Variants in TAF4B observed in about 807,000 individuals in gnomAD.
The protein encoded by TAF4B is TATA-box binding protein associated factor 4b.
In TAF4B, 38 loss-of-function variants were observed where a neutral mutation model predicts 86.4. The observed-to-expected ratio is 0.44, with a 90% CI of 0.34 to 0.58. The LOEUF is 0.58. TAF4B is among the 20% of genes least tolerant of loss of function. The pLI, the probability that TAF4B is intolerant of heterozygous loss-of-function variation, is 0.02. For synonymous variants in TAF4B, 388 were observed against 391.2 expected, an observed-to-expected ratio of 0.99 and a Z score of 0.10; for missense variants, 988 against 1,027.6, an observed-to-expected ratio of 0.96 and a Z score of 0.53.
chr18:26,249,229 A>G (rs2055967826), intron 1 of TAF4B, among the ~76,000 whole-genome samples: 1 of 151,934 alleles, frequency 6.6e-6, no homozygotes, highest in African/African-American at 2.4e-5. Context: ...CTGTAATCCC[A>G]CCACTTTGGG....
In TAF4B at chr18:26,327,068, T is replaced by G. The variant is rs781368981; in HGVS notation, c.2187T>G (p.Leu729=). The G allele has an allele frequency of 6.2e-7, 1 of 1,613,710 alleles. No homozygotes were observed. Among genetic ancestry groups the G allele is most frequent in the East Asian group, 2.2e-5 (1 of 44,866 alleles). The part of the protein sequence containing the change: ...CSDTRSQLKF[L]EKLDQLEKQR... ...ATACCAGGTCACAGCTCAAATTTCT[T>G]GAAAAGCTGGATCAATTGGAGAAGC... Residue 729 remains leucine (L), a synonymous_variant, in exon 12 of 15, where the codon CTT becomes CTG. Coordinates refer to ENST00000269142, the MANE Select transcript of TAF4B (RefSeq NM_005640.3).
At chr18:26,227,348 A>G (rs1171921601) in intron 1 of TAF4B, 72 bp downstream of exon 1, 55 of 1,414,298 alleles carry the variant, frequency 3.9e-5, no homozygotes, top group Non-Finnish European at 4.9e-5. Context: ...GCAGCTCCAG[A>G]TTGCTCCTAA....
intron 14 of TAF4B, among the ~76,000 whole-genome samples, chr18:26,364,070 T>C (rs542753532): frequency 2.2e-4 from 33 of 152,346 alleles, no homozygotes; most frequent in African/African-American, 7.2e-4. Context: ...TTTGTTATGA[T>C]AAAGCAAAAC....
rs1217806503 is a variant in TAF4B at position 26,231,834 on chromosome 18, CCA to C, written c.343+4561_343+4562del. 3.9e-5 allele frequency among the ~76,000 whole-genome samples: 6 copies of C among 152,216 alleles called. No homozygotes were observed. The South Asian group carries it at 1.2e-3, about 32-fold the overall frequency. ...TGTGAAGAGCAAAAGAACAAAGCTT[CCA>C]CAGTGTGGAAGGGGACCTGAGCGGG... On this transcript the variant is annotated intron_variant, in intron 1 of 14. Coordinates refer to ENST00000269142, the MANE Select transcript of TAF4B (RefSeq NM_005640.3).
At chr18:26,377,211 C>G (rs530170249) in intron 14 of TAF4B, among the ~76,000 whole-genome samples, 18 of 152,058 alleles carry the variant, frequency 1.2e-4, no homozygotes, top group Non-Finnish European at 2.4e-4. Context: ...GAAAGTGTTC[C>G]CTCCTCTCCT....
chr18:26,296,151 TAG>T (rs566709070), intron 9 of TAF4B, among the ~76,000 whole-genome samples: 1 of 152,152 alleles, frequency 6.6e-6, no homozygotes, highest in Admixed American at 6.6e-5. Flanking sequence ...CCTCTTTTAT[TAG>T]AGTTTTGTTT....
At chr18:26,287,223 C>CA (rs2056535113) in intron 7 of TAF4B, among the ~76,000 whole-genome samples, 1 of 152,110 alleles carries the variant, frequency 6.6e-6, no homozygotes, top group African/African-American at 2.4e-5. Context: ...AAGCTGGTCT[C>CA]AAACTCTTGG....
intron 13 of TAF4B, chr18:26,348,410 T>C (rs1337592833): frequency 6.5e-6 from 1 of 152,794 alleles, no homozygotes; most frequent in Non-Finnish European, 1.5e-5. Flanking sequence ...GGTCTCTGGT[T>C]ATCTCATATC....
chr18:26,295,560 A>G (rs145885611), intron 9 of TAF4B, among the ~76,000 whole-genome samples: 5 of 152,338 alleles, frequency 3.3e-5, no homozygotes, highest in African/African-American at 9.6e-5. Flanking sequence ...GAGCTCAGGC[A>G]GTAATGCTCG....
chr18:26,315,507 A>G, intron 10 of TAF4B, 109 bp downstream of exon 10: 1 of 678,884 alleles, frequency 1.5e-6, no homozygotes, highest in South Asian at 4.0e-5. Flanking sequence ...AGGCTTAAAT[A>G]AGATTCTAGA....
chr18:26,256,282 A>G (rs2056083087), intron 1 of TAF4B: 5 of 1,474,148 alleles, frequency 3.4e-6, no homozygotes, highest in Non-Finnish European at 4.7e-6. Flanking sequence ...GTGAATCGAG[A>G]ACTAGAGGAC....
chr18:26,278,339 C>G (rs1274112003), intron 5 of TAF4B, among the ~76,000 whole-genome samples: 1 of 151,934 alleles, frequency 6.6e-6, no homozygotes, highest in Non-Finnish European at 1.5e-5. Context: ...GAGTCTTGCT[C>G]TCTTGCTCAG....
intron 1 of TAF4B, among the ~76,000 whole-genome samples, chr18:26,240,604 A>G (rs2055822257): frequency 6.6e-6 from 1 of 152,238 alleles, no homozygotes; most frequent in Non-Finnish European, 1.5e-5. Flanking sequence ...TGCCCTGGCC[A>G]GAACTTCCAA....
chr18:26,323,576 G>A (rs1187399629), intron 11 of TAF4B, among the ~76,000 whole-genome samples: 5 of 147,994 alleles, frequency 3.4e-5, no homozygotes, highest in Admixed American at 3.4e-4. Flanking sequence ...TGCCCATGCT[G>A]TGGAATTGTT....
At chr18:26,255,204 A>C (rs1168039777) in intron 1 of TAF4B, among the ~76,000 whole-genome samples, 4 of 152,182 alleles carry the variant, frequency 2.6e-5, no homozygotes, top group Non-Finnish European at 4.4e-5. Flanking sequence ...AAAGACTTAA[A>C]GAGCACTTTA....
chr18:26,255,603 C>CAAAAAAAAAAAAAAAAAAAAAAAAAA lies in TAF4B; in HGVS notation c.344-9552_344-9551insAAAAAAAAAAAAAAAAAAAAAAAAAA, dbSNP rs71169836. The CAAAAAAAAAAAAAAAAAAAAAAAAAA allele has an allele frequency of 3.7e-5, 18 of 486,168 alleles. No homozygotes were observed. In the African/African-American group the frequency reaches 5.8e-4, roughly 16 times the overall value. The allele number at this position is 486,168 out of a possible 1,614,324, so 30.1% of individuals were successfully genotyped here. On this transcript the variant is annotated intron_variant, in intron 1 of 14. Coordinates refer to ENST00000269142, the MANE Select transcript of TAF4B (RefSeq NM_005640.3). ...GACAACAAGAGCAAAACTCTGTCTC[C>CAAAAAAAAAAAAAAAAAAAAAAAAAA]AAAAAAAAAAAAAAAGAGGGTCAGT...
chr18:26,359,910 GT>G (rs2057317533), intron 14 of TAF4B, among the ~76,000 whole-genome samples: 1 of 151,096 alleles, frequency 6.6e-6, no homozygotes, highest in Non-Finnish European at 1.5e-5. Context: ...TAGAGACGGA[GT>G]TTTGCCATGT....
At chr18:26,310,730 AG>A (rs1203936516) in intron 9 of TAF4B, among the ~76,000 whole-genome samples, 1 of 152,210 alleles carries the variant, frequency 6.6e-6, no homozygotes, top group Non-Finnish European at 1.5e-5. Context: ...GGGAAAAGTA[AG>A]GGTTCCCCTG....
At chr18:26,350,748 A>G (rs2057238369) in intron 13 of TAF4B, among the ~76,000 whole-genome samples, 1 of 152,194 alleles carries the variant, frequency 6.6e-6, no homozygotes, top group Non-Finnish European at 1.5e-5. Context: ...AAGACATGCA[A>G]ACAGCCAACA....
Sources: allele counts gnomAD v4.1 joint callset (sites outside exome capture counted in the v4.1 genomes callset), GRCh38; gene constraint gnomAD v4.1.1; transcripts MANE v1.5; gene names NCBI Gene and HGNC (gene_info 2026-07-23, HGNC 2026-07-21).